The following ATF7IP variants were observed in gnomAD, a reference collection of about 807,000 sequenced individuals.
ATF7IP encodes activating transcription factor 7-interacting protein 1.
Under a neutral mutation model 106.4 loss-of-function variants are expected in ATF7IP, and 23 were observed. The observed-to-expected ratio is 0.22, with a 90% CI of 0.16 to 0.31. The LOEUF is 0.31. ATF7IP is among the 10% of genes least tolerant of loss of function. The pLI is 1.00. For missense variants in ATF7IP, 1,334 were observed against 1,524.3 expected, an observed-to-expected ratio of 0.88 and a Z score of 2.08; for synonymous variants, 542 against 539.0, an observed-to-expected ratio of 1.01 and a Z score of -0.08.
rs746075539 is a variant in ATF7IP at position 14,496,239 on chromosome 12, G to A, written c.3289G>A (p.Val1097Ile). Reference sequence around the variant, plus strand: ...TTTTTGTTTGTTTGTAGGTGTTACAGTTCGAGTGCCTCAAACAACCACATA... The same window carrying A: ...TTTTTGTTTGTTTGTAGGTGTTACAATTCGAGTGCCTCAAACAACCACATA... ...RQVNPQNSVTVRVPQTTTYVV... is the reference protein window; with the variant it reads ...RQVNPQNSVTIRVPQTTTYVV... The change falls in exon 14 of 15, where the codon GTT (valine) becomes ATT (isoleucine). Residue 1097 changes from valine (V) to isoleucine (I), a missense_variant. Physicochemically the swap from Val to Ile is conservative, Grantham distance 29. This residue lies in a region of ATF7IP where 370 missense variants were observed against 401.2 expected (regional missense o/e 0.92). Transcript: ENST00000261168. 1 of 1,611,052 alleles carries A rather than the reference G, an allele frequency of 6.2e-7. No homozygotes were observed. Among genetic ancestry groups the A allele is most frequent in the Non-Finnish European group, 8.5e-7 (1 of 1,177,762 alleles).
intron 1 of ATF7IP, among the ~76,000 whole-genome samples, chr12:14,386,110 A>G (rs1427314798): frequency 6.6e-6 from 1 of 152,170 alleles, no homozygotes; most frequent in Admixed American, 6.5e-5. Context: ...GTATTCAAAT[A>G]CCATCAGAGC....
chr12:14,422,863 G>A (rs1565496713), intron 1 of ATF7IP, among the ~76,000 whole-genome samples: 1 of 152,098 alleles, frequency 6.6e-6, no homozygotes, highest in Non-Finnish European at 1.5e-5. Context: ...TAGAGCATTT[G>A]TGTACAAGTT....
intron 3 of ATF7IP, among the ~76,000 whole-genome samples, chr12:14,435,334 G>A (rs1388630301): frequency 1.3e-5 from 2 of 152,130 alleles, no homozygotes; most frequent in African/African-American, 4.8e-5. Context: ...AAGAGAAATT[G>A]TAGAATAGAG....
chr12:14,366,853 C>G (rs1938320252), intron 1 of ATF7IP, among the ~76,000 whole-genome samples: 1 of 151,970 alleles, frequency 6.6e-6, no homozygotes, highest in Non-Finnish European at 1.5e-5. Flanking sequence ...CTGTTTTTTT[C>G]TTTTAAACAC....
At chr12:14,489,648 A>G (rs541050370) in intron 13 of ATF7IP, among the ~76,000 whole-genome samples, 1 of 152,248 alleles carries the variant, frequency 6.6e-6, no homozygotes, top group African/African-American at 2.4e-5. Flanking sequence ...AGACTTGCAA[A>G]GTATTGTCAC....
chr12:14,467,909 C>G (rs1194295355), intron 10 of ATF7IP, among the ~76,000 whole-genome samples: 1 of 152,104 alleles, frequency 6.6e-6, no homozygotes, highest in Non-Finnish European at 1.5e-5. Flanking sequence ...CACACAGATA[C>G]AGACTGTTTT....
intron 9 of ATF7IP, among the ~76,000 whole-genome samples, chr12:14,465,121 C>T (rs948498511): frequency 7.9e-5 from 12 of 151,842 alleles, no homozygotes; most frequent in African/African-American, 1.9e-4. Flanking sequence ...GAGGCTGAGA[C>T]GTGAGAATCT....
intron 1 of ATF7IP, among the ~76,000 whole-genome samples, chr12:14,422,991 AC>A (rs1283471500): frequency 6.6e-6 from 1 of 152,078 alleles, no homozygotes; most frequent in African/African-American, 2.4e-5. Flanking sequence ...AAGCAGCTGC[AC>A]CTATTTGCAA....
chr12:14,434,977 A>G (rs1942330727), intron 3 of ATF7IP, among the ~76,000 whole-genome samples: 1 of 152,022 alleles, frequency 6.6e-6, no homozygotes. Context: ...AGTCCCAGCT[A>G]CTTTGGAGGC....
chr12:14,502,323 G>A lies in ATF7IP; in HGVS notation c.*4250G>A, dbSNP rs1331346372. The A allele has an allele frequency of 6.6e-6, 1 of 152,148 alleles. No homozygotes were observed. Among genetic ancestry groups the A allele is most frequent in the Non-Finnish European group, 1.5e-5 (1 of 68,024 alleles). The allele number at this position is 152,148 out of a possible 1,614,324, so 9.4% of individuals were successfully genotyped here. On this transcript the variant is annotated 3_prime_UTR_variant, in exon 15 of 15. Transcript: ENST00000261168. The stretch of plus-strand genomic sequence containing the variant: ...CAATTCTCATGAAGCGTTTGTTAGT[G>A]TGGCAGACTTGTCTAATTCCTGAAA...
At chr12:14,494,333 A>ATATATGTGTGTGTG (rs1234871100) in intron 13 of ATF7IP, among the ~76,000 whole-genome samples, 12 of 86,008 alleles carry the variant, frequency 1.4e-4, no homozygotes, top group African/African-American at 5.4e-4. Context: ...ATATATATAT[A>ATATATGTGTGTGTG]TGTGTGTGTG....
intron 1 of ATF7IP, among the ~76,000 whole-genome samples, chr12:14,413,013 CA>C (rs913069902): frequency 5.3e-5 from 8 of 152,092 alleles, no homozygotes; most frequent in African/African-American, 1.9e-4. Context: ...GACCATGTCT[CA>C]AAAAACAAAC....
rs769067999 is a variant in ATF7IP at position 14,460,557 on chromosome 12, C to G, written c.2221C>G (p.Pro741Ala). Residue 741 changes from proline to alanine, a missense_variant, in exon 9 of 15, where the codon CCA becomes GCA. By Grantham distance (27) the Pro-to-Ala change is conservative. This residue lies in a region of ATF7IP where 171 missense variants were observed against 172.6 expected (regional missense o/e 0.99). Coordinates refer to ENST00000261168, the MANE Select transcript of ATF7IP (RefSeq NM_018179.5). ...VVSSQPKLQT[P>A]VTSGSLTATS... The stretch of plus-strand genomic sequence containing the variant: ...CAGTAGTCAACCTAAATTGCAGACT[C>G]CAGTGACTTCGGGTTCCCTCACAGC... 1.2e-6 allele frequency: 2 copies of G among 1,614,060 alleles called. No individual in the cohort carries two copies. The highest frequency in any genetic ancestry group is 2.7e-5 in the African/African-American group (2 of 74,910).
At chr12:14,497,605 A>C (rs751082009) in intron 14 of ATF7IP, 49 bp from the exon 15 acceptor site, 1 of 1,532,006 alleles carries the variant, frequency 6.5e-7, no homozygotes, top group East Asian at 2.3e-5. Context: ...AACATTCTAA[A>C]ATAGTTCTTT....
intron 8 of ATF7IP, among the ~76,000 whole-genome samples, chr12:14,459,012 A>G (rs1405144571): frequency 3.3e-5 from 5 of 152,292 alleles, no homozygotes; most frequent in Non-Finnish European, 1.5e-5. Context: ...GAAGTATTTT[A>G]AGGATTTAGG....
intron 2 of ATF7IP, among the ~76,000 whole-genome samples, chr12:14,426,170 T>C (rs2136561967): frequency 6.6e-6 from 1 of 152,326 alleles, no homozygotes; most frequent in South Asian, 2.1e-4. Context: ...ACATTAACTT[T>C]ATGATTTGTT....
chr12:14,427,974 G>A (rs1941941997), intron 2 of ATF7IP, among the ~76,000 whole-genome samples: 1 of 152,074 alleles, frequency 6.6e-6, no homozygotes, highest in South Asian at 2.1e-4. Flanking sequence ...CTTTATGATG[G>A]CGCTGGAATG....
At chr12:14,404,662 CT>C (rs1050676442) in intron 1 of ATF7IP, among the ~76,000 whole-genome samples, 4 of 150,920 alleles carry the variant, frequency 2.7e-5, no homozygotes, top group Non-Finnish European at 4.4e-5. Flanking sequence ...TCACAACTCT[CT>C]TTTTTTTTGC....
chr12:14,424,541 C>T lies in ATF7IP; in HGVS notation c.626C>T (p.Pro209Leu). The T allele has an allele frequency of 6.2e-7, 1 of 1,614,174 alleles. No homozygotes were observed. Among genetic ancestry groups the T allele is most frequent in the Non-Finnish European group, 8.5e-7 (1 of 1,180,030 alleles). Reference protein sequence around the residue: ...LSSGDPTSSDPIPGEPVPVEP... With the variant: ...LSSGDPTSSDLIPGEPVPVEP... ...TCTGGTGATCCCACCTCTAGTGATC[C>T]CATCCCAGGTGAACCGGTCCCTGTT... Residue 209 changes from proline (P) to leucine (L), a missense_variant, in exon 2 of 15, where the codon CCC becomes CTC. Physicochemically the swap from Pro to Leu is moderately conservative, Grantham distance 98 (BLOSUM62 -3). Transcript: ENST00000261168.
Sources: allele counts gnomAD v4.1 joint callset (sites outside exome capture counted in the v4.1 genomes callset), GRCh38; gene constraint gnomAD v4.1.1; regional missense constraint gnomAD v4.1.1; transcripts MANE v1.5; gene names NCBI Gene and HGNC (gene_info 2026-07-23, HGNC 2026-07-21).